Variants in BMPR1B observed in about 807,000 individuals in gnomAD.
The protein encoded by BMPR1B is bone morphogenetic protein receptor type-1B.
BMPR1B carries 12 observed loss-of-function variants against 59.1 expected under a neutral mutation model. That is an observed-to-expected ratio of 0.20 (90% CI 0.13 to 0.33). The LOEUF is 0.33. BMPR1B is among the 10% of genes least tolerant of loss of function. BMPR1B has a pLI of 1.00. For synonymous variants in BMPR1B, 237 were observed against 207.3 expected (o/e 1.14, Z -1.23); for missense variants, 550 against 610.9 (o/e 0.90, Z 1.05).
intron 11 of BMPR1B, among the ~76,000 whole-genome samples, chr4:95,150,804 CA>C (rs1344521389): frequency 6.6e-6 from 1 of 152,156 alleles, no homozygotes; most frequent in Non-Finnish European, 1.5e-5. Context: ...TGCTCTGTCC[CA>C]TACCAACTGA....
intron 1 of BMPR1B, among the ~76,000 whole-genome samples, chr4:94,862,048 T>G (rs570039581): frequency 6.6e-6 from 1 of 151,286 alleles, no homozygotes; most frequent in Non-Finnish European, 1.5e-5. Flanking sequence ...GTGCTTACTA[T>G]ATGCCACACA....
At chr4:95,134,040 C>T (rs1250952435) in intron 10 of BMPR1B, among the ~76,000 whole-genome samples, 1 of 152,076 alleles carries the variant, frequency 6.6e-6, no homozygotes, top group Non-Finnish European at 1.5e-5. Flanking sequence ...CACCCCACGA[C>T]AGGCCTGGTG....
At chr4:95,115,881 C>G in intron 6 of BMPR1B, 94 bp downstream of exon 6, 1 of 1,109,906 alleles carries the variant, frequency 9.0e-7, no homozygotes, top group Non-Finnish European at 1.4e-6. Flanking sequence ...CTACCTGTAC[C>G]ACTTTCCACT....
chr4:94,773,362 AAG>A (rs1380191363), intron 1 of BMPR1B, among the ~76,000 whole-genome samples: 4 of 152,044 alleles, frequency 2.6e-5, no homozygotes, highest in Non-Finnish European at 5.9e-5. Flanking sequence ...TCAGAGACAA[AAG>A]AGAATGTTTG....
chr4:94,944,208 C>A (rs1001318779), intron 2 of BMPR1B, among the ~76,000 whole-genome samples: 1 of 152,072 alleles, frequency 6.6e-6, no homozygotes, highest in Non-Finnish European at 1.5e-5. Context: ...ACCTGAAACA[C>A]TTCTGGTCTC....
intron 1 of BMPR1B, among the ~76,000 whole-genome samples, chr4:94,830,688 C>G (rs1414017148): frequency 6.6e-6 from 1 of 152,170 alleles, no homozygotes; most frequent in African/African-American, 2.4e-5. Flanking sequence ...GAAATACAGT[C>G]ATGTGCAATA....
Position 95,131,486 on chromosome 4 carries a change from C to T in BMPR1B, c.1050C>T (p.Asp350=), listed in dbSNP as rs1291212526. 5 of 1,614,000 alleles carry T rather than the reference C, an allele frequency of 3.1e-6. No homozygotes were observed. Among genetic ancestry groups the T allele is most frequent in the Non-Finnish European group, 4.2e-6 (5 of 1,179,974 alleles). ...VKKNGTCCIA[D]LGLAVKFISD... ...AAAATGGAACTTGCTGTATTGCTGA[C>T]CTGGGCCTGGCTGTTAAATTTATTA... The change falls in exon 10 of 13, where the codon GAC becomes GAT. Residue 350 remains aspartate (D), a synonymous_variant. Coordinates refer to ENST00000515059, the MANE Select transcript of BMPR1B (RefSeq NM_001203.3).
chr4:95,068,220 T>G (rs1727999717), intron 3 of BMPR1B, among the ~76,000 whole-genome samples: 1 of 152,048 alleles, frequency 6.6e-6, no homozygotes. Flanking sequence ...AAAAGTAACA[T>G]AATCGTATTT....
At chr4:94,843,894 G>A (rs1431213694) in intron 1 of BMPR1B, among the ~76,000 whole-genome samples, 1 of 152,116 alleles carries the variant, frequency 6.6e-6, no homozygotes, top group Admixed American at 6.5e-5. Flanking sequence ...GAATAATGAT[G>A]GATGACCTGG....
chr4:94,763,490 G>T (rs114507947), intron 1 of BMPR1B, among the ~76,000 whole-genome samples: 1 of 152,174 alleles, frequency 6.6e-6, no homozygotes, highest in African/African-American at 2.4e-5. Context: ...GCTGCATGTG[G>T]CGTCAGCTTT....
intron 3 of BMPR1B, 24 bp from the exon 4 acceptor site, chr4:95,104,384 A>G (rs1335358231): frequency 1.9e-6 from 3 of 1,611,682 alleles, no homozygotes; most frequent in Non-Finnish European, 2.5e-6. Context: ...ACAGATGCCT[A>G]ACTCTCACTA....
At chr4:95,080,356 C>T (rs1015422284) in intron 3 of BMPR1B, among the ~76,000 whole-genome samples, 3 of 152,168 alleles carry the variant, frequency 2.0e-5, no homozygotes, top group African/African-American at 7.2e-5. Flanking sequence ...CCTCCCTCAA[C>T]CTCCTGAGTA....
intron 2 of BMPR1B, among the ~76,000 whole-genome samples, chr4:94,880,753 T>C (rs1385591444): frequency 6.7e-6 from 1 of 149,648 alleles, no homozygotes; most frequent in Non-Finnish European, 1.5e-5. Flanking sequence ...ATTCTATGCC[T>C]CAGCCTCCCA....
At chr4:94,896,371 A>G (rs1727586183) in intron 2 of BMPR1B, among the ~76,000 whole-genome samples, 1 of 152,040 alleles carries the variant, frequency 6.6e-6, no homozygotes, top group African/African-American at 2.4e-5. Context: ...TTTTATTAAC[A>G]TTTGAGAGAT....
chr4:94,819,233 C>A (rs901380146), intron 1 of BMPR1B, among the ~76,000 whole-genome samples: 1 of 152,036 alleles, frequency 6.6e-6, no homozygotes, highest in Non-Finnish European at 1.5e-5. Context: ...GAGTCAAGGG[C>A]CATAATATAT....
chr4:94,822,553 G>T (rs1032714791), intron 1 of BMPR1B, among the ~76,000 whole-genome samples: 7 of 152,278 alleles, frequency 4.6e-5, no homozygotes, highest in African/African-American at 1.7e-4. Flanking sequence ...AAATACAGGA[G>T]ATGGATGGCC....
At chr4:94,869,466 C>CT (rs1726393532) in intron 1 of BMPR1B, among the ~76,000 whole-genome samples, 1 of 152,140 alleles carries the variant, frequency 6.6e-6, no homozygotes, top group African/African-American at 2.4e-5. Context: ...ATGGCCAGCT[C>CT]TTTCATCTGA....
At chr4:94,881,701 G>A (rs1026901893) in intron 2 of BMPR1B, among the ~76,000 whole-genome samples, 1 of 152,010 alleles carries the variant, frequency 6.6e-6, no homozygotes, top group Non-Finnish European at 1.5e-5. Context: ...CCTGACCTCG[G>A]TGATTCTCCC....
At chr4:94,919,126 A>G (rs1248404636) in intron 2 of BMPR1B, among the ~76,000 whole-genome samples, 1 of 152,002 alleles carries the variant, frequency 6.6e-6, no homozygotes, top group Non-Finnish European at 1.5e-5. Flanking sequence ...CTGCTACCCC[A>G]CCAACTCTTT....
Sources: gnomAD v4.1 joint callset for allele counts (sites outside exome capture counted in the v4.1 genomes callset) on GRCh38, gnomAD v4.1.1 for gene constraint, MANE v1.5 for transcripts, NCBI Gene and HGNC (gene_info 2026-07-23, HGNC 2026-07-21) for gene names.